CDKL5: variants seen among roughly 807,000 people sequenced by gnomAD.
CDKL5 encodes the protein cyclin-dependent kinase-like 5.
In CDKL5, 8 loss-of-function variants were observed where a neutral mutation model predicts 61.7. The observed-to-expected ratio is 0.13, with a 90% CI of 0.08 to 0.23. The LOEUF is 0.23. Among genes scored for constraint, CDKL5 ranks in the 10% least tolerant of loss-of-function variants. The pLI, the probability that CDKL5 is intolerant of heterozygous loss-of-function variation, is 1.00. For missense variants in CDKL5, 440 were observed against 734.5 expected (o/e 0.60, Z 4.63); for synonymous variants, 275 against 272.3 (o/e 1.01, Z -0.10).
At chrX:18,573,374 C>T (rs779752508) in intron 4 of CDKL5, among the ~76,000 whole-genome samples, 2 of 112,167 alleles carry the variant, frequency 1.8e-5, no homozygotes, top group South Asian at 7.4e-4. Flanking sequence ...GAAGCATGTT[C>T]TCGATCTTGC....
intron 1 of CDKL5, among the ~76,000 whole-genome samples, chrX:18,436,897 CAAAAAAA>C (rs60845430): frequency 0.013 from 202 of 15,801 alleles, no homozygotes; most frequent in Non-Finnish European, 0.02. Context: ...ACTCTTGACT[CAAAAAAA>C]AAAAAAAAAA....
chrX:18,597,959 ATAC>A (rs1926058358), intron 10 of CDKL5, among the ~76,000 whole-genome samples: 2 of 111,265 alleles, frequency 1.8e-5, no homozygotes, highest in South Asian at 7.5e-4. Flanking sequence ...AATTATGTGT[ATAC>A]TACTATGTGG....
rs1923409365 is a variant in CDKL5 at position 18,525,690 on chromosome X, G to A, written c.99+14836G>A. 3.7e-5 allele frequency among the ~76,000 whole-genome samples: 4 copies of A among 108,075 alleles called. No homozygotes were observed. In the Admixed American group the frequency reaches 4.0e-4, roughly 11 times the overall value. The allele number at this position is 108,075 out of a possible 115,157, so 93.9% of individuals were successfully genotyped here. A position where few individuals can be genotyped will look rare whatever the true frequency, so the allele number is the denominator to read the frequency against. The stretch of plus-strand genomic sequence containing the variant: ...GCTTCTGGGGATTTGGATTGGGATT[G>A]CATTGAATCTGCAGATCAAGTTGAG... On this transcript the variant is annotated intron_variant, in intron 3 of 17. Transcript: ENST00000623535.
intron 4 of CDKL5, among the ~76,000 whole-genome samples, chrX:18,569,912 A>C (rs1245028795): frequency 9.0e-6 from 1 of 111,388 alleles, no homozygotes; most frequent in African/African-American, 3.3e-5. Context: ...TTTTATATAA[A>C]ATAAAATTAC....
Position 18,604,774 on chromosome X carries a change from G to A in CDKL5, c.1850G>A (p.Arg617His). The A allele has an allele frequency of 8.3e-7, 1 of 1,211,383 alleles. No homozygotes were observed. Among genetic ancestry groups the A allele is most frequent in the Non-Finnish European group, 1.1e-6 (1 of 895,336 alleles). The change falls in exon 12 of 18, where the codon CGT becomes CAT. Residue 617 changes from arginine (R) to histidine (H), a missense_variant. Physicochemically the swap from Arg to His is conservative, Grantham distance 29. This residue lies in a region of CDKL5 where 363 missense variants were observed against 516.3 expected (regional missense o/e 0.70). Coordinates refer to ENST00000623535, the MANE Select transcript of CDKL5 (RefSeq NM_001323289.2). ...RPHRHSMYVT[R>H]DKVRAKGLDG... ...CATAGGCATTCTATGTATGTGACCC[G>A]TGACAAAGTGAGAGCCAAGGGCTTG...
intron 1 of CDKL5, among the ~76,000 whole-genome samples, chrX:18,425,991 C>T (rs1460686250): frequency 1.8e-5 from 2 of 111,876 alleles, no homozygotes; most frequent in Non-Finnish European, 3.8e-5. Context: ...GGGTCGAGCC[C>T]GCCCCGCGGG....
chrX:18,514,312 A>T (rs1922931513), intron 3 of CDKL5, among the ~76,000 whole-genome samples: 1 of 111,350 alleles, frequency 9.0e-6, no homozygotes, highest in African/African-American at 3.3e-5. Flanking sequence ...TTTATTGTAT[A>T]TATAATAATA....
chrX:18,624,841 G>C (rs1184967520), intron 16 of CDKL5, among the ~76,000 whole-genome samples: 4 of 111,708 alleles, frequency 3.6e-5, no homozygotes, highest in Non-Finnish European at 5.6e-5. Flanking sequence ...CTCTTACAGC[G>C]ACTAAAACTA....
At chrX:18,599,104 G>A (rs185878099) in intron 11 of CDKL5, among the ~76,000 whole-genome samples, 152 of 112,584 alleles carry the variant, frequency 1.4e-3, no homozygotes, top group African/African-American at 4.6e-3. Flanking sequence ...TCATTGAGTT[G>A]AGAAATTAAT....
chrX:18,557,004 G>A (rs1039400423), intron 3 of CDKL5, among the ~76,000 whole-genome samples: 1 of 111,294 alleles, frequency 9.0e-6, no homozygotes, highest in Non-Finnish European at 1.9e-5. Flanking sequence ...GAGCAGACAG[G>A]ATATTTGCAA....
chrX:18,613,116 A>G (rs759814541), intron 14 of CDKL5, 36 bp from the exon 15 acceptor site: 2 of 1,091,051 alleles, frequency 1.8e-6, no homozygotes, highest in South Asian at 2.0e-5. Context: ...AAAAAAAAAG[A>G]AAAGTCCATC....
At chrX:18,518,810 T>C (rs906286009) in intron 3 of CDKL5, among the ~76,000 whole-genome samples, 8 of 109,669 alleles carry the variant, frequency 7.3e-5, no homozygotes, top group South Asian at 3.9e-4. Context: ...TTTTTTTTTT[T>C]CCAATAAATT....
chrX:18,579,714 G>A, intron 5 of CDKL5, 134 bp from the exon 6 acceptor site: 2 of 594,629 alleles, frequency 3.4e-6, no homozygotes, highest in Non-Finnish European at 2.7e-6. Flanking sequence ...TGAGAAAGTT[G>A]TAGATAGAAA....
chrX:18,611,043 AC>A (rs1926532929), intron 14 of CDKL5, among the ~76,000 whole-genome samples: 1 of 111,760 alleles, frequency 8.9e-6, no homozygotes, highest in Admixed American at 9.5e-5. Flanking sequence ...TGATTAGGCT[AC>A]TCTGTTCCTT....
intron 3 of CDKL5, among the ~76,000 whole-genome samples, chrX:18,533,568 T>A (rs1923719702): frequency 1.8e-5 from 2 of 112,216 alleles, no homozygotes; most frequent in African/African-American, 6.5e-5. Context: ...AGATAGATGG[T>A]CTATGTTCAG....
chrX:18,510,212 G>A (rs1922777505), intron 2 of CDKL5, among the ~76,000 whole-genome samples: 1 of 111,286 alleles, frequency 9.0e-6, no homozygotes, highest in African/African-American at 3.3e-5. Flanking sequence ...CTGGAGTGCA[G>A]TGGCGCGATC....
chrX:18,598,550 G>A lies in CDKL5; in HGVS notation c.914G>A (p.Arg305His), dbSNP rs767817521. 7 of 1,207,337 alleles carry A rather than the reference G, an allele frequency of 5.8e-6. No individual in the cohort carries two copies. Among genetic ancestry groups the A allele is most frequent in the Admixed American group, 2.2e-5 (1 of 45,756 alleles). ...PTFQTQRLLD[R>H]SPSRSAKRKP... is the part of the protein sequence containing the mutation. ...TTTCAAACCCAGAGACTTCTGGATC[G>A]TTCTCCTTCAAGGTCAGCAAAAAGA... is the stretch of plus-strand genomic sequence containing the variant. Residue 305 changes from arginine to histidine, a missense_variant, in exon 11 of 18, where the codon CGT becomes CAT. Arg to His is a conservative substitution (Grantham distance 29). This residue lies in a region of CDKL5 where 363 missense variants were observed against 516.3 expected (regional missense o/e 0.70). Transcript: ENST00000623535.
chrX:18,476,968 C>T (rs1271393854), intron 1 of CDKL5, among the ~76,000 whole-genome samples: 1 of 111,964 alleles, frequency 8.9e-6, no homozygotes, highest in Non-Finnish European at 1.9e-5. Context: ...TGGAGTTTCA[C>T]CATGTTGGCC....
rs112192399 is a variant in CDKL5, at chrX:18,456,851, C to T, written c.-163+31156C>T. 3.5e-3 allele frequency among the ~76,000 whole-genome samples: 393 copies of T among 111,386 alleles called. 1 individual carries two copies. Among genetic ancestry groups the T allele is most frequent in the African/African-American group, 0.012 (360 of 30,695 alleles). Reference sequence around the variant, plus strand: ...ACAATCTATTGCTTTTGGCCATTTTCCTCTTCTTTCTTGCCCTTGGTGTAA... The same window carrying T: ...ACAATCTATTGCTTTTGGCCATTTTTCTCTTCTTTCTTGCCCTTGGTGTAA... On this transcript the variant is annotated intron_variant, in intron 1 of 17. Coordinates refer to ENST00000623535, the MANE Select transcript of CDKL5 (RefSeq NM_001323289.2).
Sources: allele counts gnomAD v4.1 joint callset (sites outside exome capture counted in the v4.1 genomes callset), GRCh38; gene constraint gnomAD v4.1.1; regional missense constraint gnomAD v4.1.1; transcripts MANE v1.5; gene names NCBI Gene and HGNC (gene_info 2026-07-23, HGNC 2026-07-21).